FSTL5: variants seen among roughly 807,000 people sequenced by gnomAD.
FSTL5 encodes follistatin-related protein 5.
In FSTL5, 62 loss-of-function variants were observed where a neutral mutation model predicts 89.1. That is an observed-to-expected ratio of 0.70 (90% CI 0.57 to 0.86). The LOEUF (loss-of-function observed/expected upper bound fraction) is 0.86, where lower values mean the gene tolerates loss of function less well. FSTL5 is among the 40% of genes least tolerant of loss of function. The pLI, the probability that FSTL5 is intolerant of heterozygous loss-of-function variation, is 0.00. For missense variants in FSTL5, 1,057 were observed against 1,001.6 expected, an observed-to-expected ratio of 1.06 and a Z score of -0.75; for synonymous variants, 383 against 346.2, an observed-to-expected ratio of 1.11 and a Z score of -1.18.
chr4:161,436,019 T>G (rs1268858582), intron 15 of FSTL5, among the ~76,000 whole-genome samples: 1 of 152,210 alleles, frequency 6.6e-6, no homozygotes. Context: ...ATTTCTTGCC[T>G]TGATTGGCTG....
At chr4:161,598,301 G>C (rs1000883443) in intron 7 of FSTL5, among the ~76,000 whole-genome samples, 1 of 152,062 alleles carries the variant, frequency 6.6e-6, no homozygotes, top group Admixed American at 6.6e-5. Flanking sequence ...CTTGAACCCG[G>C]AAGGCAGAGG....
At chr4:161,818,428 A>AG (rs1424240755) in intron 4 of FSTL5, among the ~76,000 whole-genome samples, 1 of 152,224 alleles carries the variant, frequency 6.6e-6, no homozygotes, top group African/African-American at 2.4e-5. Context: ...GACAAGGTAG[A>AG]GGTTCTAATT....
chr4:161,546,504 A>G (rs1732012582), intron 8 of FSTL5, among the ~76,000 whole-genome samples: 1 of 151,584 alleles, frequency 6.6e-6, no homozygotes, highest in Non-Finnish European at 1.5e-5. Context: ...AGCAACCCCA[A>G]GAAACAAAAT....
intron 10 of FSTL5, among the ~76,000 whole-genome samples, chr4:161,532,788 A>G (rs1330998338): frequency 6.6e-6 from 1 of 152,158 alleles, no homozygotes. Context: ...CAGAATATAC[A>G]TTCTTCTCTT....
intron 4 of FSTL5, among the ~76,000 whole-genome samples, chr4:161,817,745 T>C (rs1457285192): frequency 6.6e-6 from 1 of 152,264 alleles, no homozygotes; most frequent in East Asian, 1.9e-4. Context: ...CACATGTGTG[T>C]ATTTTCAGAT....
At chr4:161,641,488 AGG>A (rs1735955012) in intron 7 of FSTL5, among the ~76,000 whole-genome samples, 1 of 149,362 alleles carries the variant, frequency 6.7e-6, no homozygotes, top group African/African-American at 2.5e-5. Context: ...TCCAAATTAG[AGG>A]GTTTTTTTGT....
At chr4:161,515,926 TC>T (rs1241833008) in intron 10 of FSTL5, among the ~76,000 whole-genome samples, 4 of 151,770 alleles carry the variant, frequency 2.6e-5, no homozygotes, top group African/African-American at 9.7e-5. Context: ...TTGATATATG[TC>T]AGGTTGATTT....
chr4:162,065,098 T>C (rs535647257), intron 2 of FSTL5, among the ~76,000 whole-genome samples: 6 of 152,012 alleles, frequency 3.9e-5, no homozygotes, highest in Admixed American at 3.9e-4. Context: ...TATACAAAAA[T>C]TAACTTAACA....
intron 1 of FSTL5, among the ~76,000 whole-genome samples, chr4:162,121,190 G>C (rs535634665): frequency 6.6e-6 from 1 of 151,770 alleles, no homozygotes; most frequent in African/African-American, 2.4e-5. Context: ...ATATAGTATA[G>C]CATATATACT....
intron 4 of FSTL5, among the ~76,000 whole-genome samples, chr4:161,854,722 C>A: frequency 6.6e-6 from 1 of 151,892 alleles, no homozygotes; most frequent in South Asian, 2.1e-4. Flanking sequence ...GAGAAATGTA[C>A]AAAATATATA....
At chr4:161,959,520 A>G (rs1735113840) in intron 3 of FSTL5, among the ~76,000 whole-genome samples, 1 of 152,102 alleles carries the variant, frequency 6.6e-6, no homozygotes, top group Non-Finnish European at 1.5e-5. Flanking sequence ...TACATAACAG[A>G]AGTTCTAATA....
intron 2 of FSTL5, among the ~76,000 whole-genome samples, chr4:162,091,904 C>T (rs1255404387): frequency 6.6e-6 from 1 of 150,950 alleles, no homozygotes; most frequent in Non-Finnish European, 1.5e-5. Flanking sequence ...ATAAGGTAAT[C>T]TATAGAATAT....
intron 6 of FSTL5, among the ~76,000 whole-genome samples, chr4:161,707,344 G>T (rs1738618070): frequency 6.6e-6 from 1 of 151,788 alleles, no homozygotes; most frequent in South Asian, 2.1e-4. Flanking sequence ...CTATGTTGAT[G>T]CAATTAATGC....
chr4:162,053,258 T>G (rs1433200599), intron 2 of FSTL5, among the ~76,000 whole-genome samples: 2 of 151,810 alleles, frequency 1.3e-5, no homozygotes, highest in African/African-American at 4.8e-5. Flanking sequence ...TTTCTGAGTG[T>G]TTTTCAGAGT....
Position 161,700,026 on chromosome 4 carries a change from G to A in FSTL5, c.728-43532C>T, listed in dbSNP as rs1443488909. Among the ~76,000 whole-genome samples, 4 of 151,976 alleles carry A rather than the reference G, an allele frequency of 2.6e-5. No homozygotes were observed. In the East Asian group the frequency reaches 7.7e-4, roughly 29 times the overall value. On this transcript the variant is annotated intron_variant, in intron 6 of 15. Transcript: ENST00000306100. ...TAACAGCAGAGTCATTATCTTTATGGCACTTTATGGAATTTTTCATAAACA... is the reference window on the plus strand; with the variant it reads ...TAACAGCAGAGTCATTATCTTTATGACACTTTATGGAATTTTTCATAAACA...
intron 6 of FSTL5, among the ~76,000 whole-genome samples, chr4:161,726,871 C>T (rs1037889342): frequency 1.3e-5 from 2 of 148,506 alleles, no homozygotes; most frequent in African/African-American, 5.0e-5. Flanking sequence ...TCAAGAGTCA[C>T]TCAATGCTCT....
chr4:161,635,288 C>T (rs555768296), intron 7 of FSTL5, among the ~76,000 whole-genome samples: 4 of 152,066 alleles, frequency 2.6e-5, no homozygotes, highest in Admixed American at 2.0e-4. Flanking sequence ...ACTCAGAAGG[C>T]TGAGGCAGAG....
At chr4:161,482,707 T>A (rs2126456262) in intron 12 of FSTL5, among the ~76,000 whole-genome samples, 1 of 152,328 alleles carries the variant, frequency 6.6e-6, no homozygotes, top group South Asian at 2.1e-4. Context: ...ATAGGTGGTT[T>A]TCCTTTTTGC....
chr4:161,877,751 G>A (rs1579162543), intron 4 of FSTL5, among the ~76,000 whole-genome samples: 2 of 151,936 alleles, frequency 1.3e-5, no homozygotes, highest in East Asian at 3.9e-4. Flanking sequence ...GCGTGAACCC[G>A]AGAGGCGGAG....
Sources: allele counts gnomAD v4.1 joint callset (sites outside exome capture counted in the v4.1 genomes callset), GRCh38; gene constraint gnomAD v4.1.1; transcripts MANE v1.5; gene names NCBI Gene and HGNC (gene_info 2026-07-23, HGNC 2026-07-21).